EPHA6: variants seen among roughly 807,000 people sequenced by gnomAD.
The protein encoded by EPHA6 is ephrin type-A receptor 6.
In EPHA6, 50 loss-of-function variants were observed where a neutral mutation model predicts 112.0. The observed-to-expected ratio is 0.45, with a 90% CI of 0.36 to 0.56. The LOEUF (loss-of-function observed/expected upper bound fraction) is 0.56. Among genes scored for constraint, EPHA6 ranks in the 20% least tolerant of loss-of-function variants. The pLI, the probability that EPHA6 is intolerant of heterozygous loss-of-function variation, is 0.00. For missense variants in EPHA6, 1,280 were observed against 1,417.4 expected (o/e 0.90, Z 1.56); for synonymous variants, 529 against 490.7 (o/e 1.08, Z -1.03).
intron 14 of EPHA6, among the ~76,000 whole-genome samples, chr3:97,712,982 C>A (rs1324377858): frequency 6.6e-5 from 10 of 151,914 alleles, no homozygotes; most frequent in Non-Finnish European, 1.3e-4. Flanking sequence ...AATTGTTTCT[C>A]ATCTGCCCCT....
intron 5 of EPHA6, among the ~76,000 whole-genome samples, chr3:97,386,102 C>T (rs2086052421): frequency 1.3e-5 from 2 of 152,120 alleles, no homozygotes; most frequent in Admixed American, 6.5e-5. Context: ...CTAACTCATT[C>T]AAGCATTAAC....
At chr3:97,627,901 A>C (rs2093872048) in intron 13 of EPHA6, among the ~76,000 whole-genome samples, 1 of 151,974 alleles carries the variant, frequency 6.6e-6, no homozygotes, top group South Asian at 2.1e-4. Context: ...CATATGCATC[A>C]ATATTTGTCA....
chr3:96,901,269 A>T (rs2038593522), intron 2 of EPHA6, among the ~76,000 whole-genome samples: 1 of 152,120 alleles, frequency 6.6e-6, no homozygotes, highest in Non-Finnish European at 1.5e-5. Context: ...ATGAAAAAAA[A>T]TCTTATGTTG....
chr3:97,355,672 C>T (rs889813019), intron 5 of EPHA6, among the ~76,000 whole-genome samples: 1 of 152,110 alleles, frequency 6.6e-6, no homozygotes, highest in Non-Finnish European at 1.5e-5. Context: ...GGAGTAAGTC[C>T]TTACTTACCA....
intron 3 of EPHA6, among the ~76,000 whole-genome samples, chr3:97,113,837 A>G (rs1479330015): frequency 1.3e-5 from 2 of 152,110 alleles, no homozygotes; most frequent in African/African-American, 2.4e-5. Flanking sequence ...CTTTTTTCTT[A>G]TAATTCAGCT....
chr3:97,562,601 C>G (rs2093207312), intron 11 of EPHA6, among the ~76,000 whole-genome samples: 1 of 152,252 alleles, frequency 6.6e-6, no homozygotes, highest in East Asian at 1.9e-4. Context: ...AGTGAAGATG[C>G]TACGCACATT....
At chr3:97,591,185 A>T (rs779286134) in intron 11 of EPHA6, among the ~76,000 whole-genome samples, 1 of 152,168 alleles carries the variant, frequency 6.6e-6, no homozygotes, top group East Asian at 1.9e-4. Context: ...AATCCAGTGC[A>T]CACTGTATTG....
chr3:97,548,001 C>A (rs1303893167), intron 11 of EPHA6, among the ~76,000 whole-genome samples: 1 of 152,192 alleles, frequency 6.6e-6, no homozygotes, highest in Non-Finnish European at 1.5e-5. Context: ...AATTCCCTGA[C>A]CCCTTGTGCT....
At chr3:97,023,271 G>A (rs1447405316) in intron 3 of EPHA6, among the ~76,000 whole-genome samples, 1 of 152,106 alleles carries the variant, frequency 6.6e-6, no homozygotes, top group African/African-American at 2.4e-5. Flanking sequence ...AGTAGAGACA[G>A]GGTTTCACTG....
chr3:97,731,959 C>A (rs2035055138), intron 15 of EPHA6, among the ~76,000 whole-genome samples: 2 of 152,024 alleles, frequency 1.3e-5, no homozygotes, highest in Non-Finnish European at 2.9e-5. Context: ...TTGAACACCA[C>A]AGCCATTGCC....
At chr3:97,616,978 C>T (rs2093771740) in intron 13 of EPHA6, among the ~76,000 whole-genome samples, 1 of 152,068 alleles carries the variant, frequency 6.6e-6, no homozygotes, top group Admixed American at 6.6e-5. Context: ...GACACATAAT[C>T]ATCAGATTCT....
intron 9 of EPHA6, among the ~76,000 whole-genome samples, chr3:97,482,681 T>C (rs1169286990): frequency 1.3e-5 from 2 of 152,246 alleles, no homozygotes; most frequent in African/African-American, 4.8e-5. Context: ...TATTACCTTT[T>C]GTTTGTTTGT....
intron 5 of EPHA6, among the ~76,000 whole-genome samples, chr3:97,328,658 A>G (rs1462743576): frequency 6.6e-6 from 1 of 151,766 alleles, no homozygotes; most frequent in African/African-American, 2.4e-5. Flanking sequence ...TTTTCTTTTC[A>G]TCCTTACTAT....
At chr3:97,551,020 G>A (rs1406756322) in intron 11 of EPHA6, among the ~76,000 whole-genome samples, 1 of 152,076 alleles carries the variant, frequency 6.6e-6, no homozygotes. Context: ...AAAATTAGAA[G>A]CTCTTCTCAT....
chr3:97,707,726 G>A (rs1013526473), intron 14 of EPHA6, among the ~76,000 whole-genome samples: 5 of 152,106 alleles, frequency 3.3e-5, no homozygotes, highest in South Asian at 2.1e-4. Flanking sequence ...CCCACACGTC[G>A]AGGGAGGGAC....
At chr3:97,514,206 C>T (rs1397324540) in intron 10 of EPHA6, among the ~76,000 whole-genome samples, 1 of 152,124 alleles carries the variant, frequency 6.6e-6, no homozygotes, top group Non-Finnish European at 1.5e-5. Context: ...GAATCTGTTT[C>T]CTCCTCTTTT....
chr3:97,278,770 G>T (rs755358976), intron 5 of EPHA6, among the ~76,000 whole-genome samples: 6 of 151,868 alleles, frequency 4.0e-5, no homozygotes, highest in Admixed American at 6.6e-5. Flanking sequence ...TGGCCAGCAG[G>T]TTTCTCTAGG....
In EPHA6 at chr3:96,832,065, C is replaced by T. The variant is rs944504781; in HGVS notation, c.385+17057C>T. Among the ~76,000 whole-genome samples, 12 of 151,992 alleles carry T rather than the reference C, an allele frequency of 7.9e-5. No individual in the cohort carries two copies. In the East Asian group the frequency reaches 2.1e-3, roughly 27 times the overall value. On this transcript the variant is annotated intron_variant, in intron 1 of 17. Coordinates refer to ENST00000389672, the MANE Select transcript of EPHA6 (RefSeq NM_001080448.3). ...TTTTATTGACAACCTTACCATGACT[C>T]GACGCTATGTGGGAAAAGTAATTCC...
chr3:97,300,691 A>G (rs1398373653), intron 5 of EPHA6, among the ~76,000 whole-genome samples: 1 of 152,136 alleles, frequency 6.6e-6, no homozygotes, highest in Non-Finnish European at 1.5e-5. Flanking sequence ...ACTCGGGCAT[A>G]TTTGGATTCA....
Sources: gnomAD v4.1 joint callset for allele counts (sites outside exome capture counted in the v4.1 genomes callset) on GRCh38, gnomAD v4.1.1 for gene constraint, MANE v1.5 for transcripts, NCBI Gene and HGNC (gene_info 2026-07-23, HGNC 2026-07-21) for gene names.